ZNG1E: variants seen among roughly 807,000 people sequenced by gnomAD.
The protein encoded by ZNG1E is zinc-regulated GTPase metalloprotein activator 1E.
At chr9:65,677,682 G>T in the ZNG1E span, among the ~76,000 whole-genome samples, 2 of 152,224 alleles carry the variant, frequency 1.3e-5, no homozygotes, top group East Asian at 3.9e-4. Flanking sequence ...ACACCTTTCA[G>T]TGGCGTCCCT....
chr9:65,721,667 G>A, the ZNG1E span, among the ~76,000 whole-genome samples: 3 of 150,532 alleles, frequency 2.0e-5, no homozygotes, highest in Non-Finnish European at 2.9e-5. Context: ...AGTATAATGA[G>A]CCTTTATGTA....
chr9:65,666,144 A>G, the ZNG1E span, among the ~76,000 whole-genome samples: 4 of 149,900 alleles, frequency 2.7e-5, no homozygotes, highest in African/African-American at 9.8e-5. Flanking sequence ...ATGTGAGAAC[A>G]TGAGATTTGG....
chr9:65,678,081 C>T, the ZNG1E span, among the ~76,000 whole-genome samples: 1 of 149,358 alleles, frequency 6.7e-6, no homozygotes, highest in African/African-American at 2.5e-5. Context: ...AATGAATGAA[C>T]TATGTCTTAA....
the ZNG1E span, among the ~76,000 whole-genome samples, chr9:65,687,379 G>T: frequency 6.9e-6 from 1 of 144,886 alleles, no homozygotes; most frequent in African/African-American, 2.5e-5. Context: ...TCAAGTTACA[G>T]GTACTGCATG....
chr9:65,663,102 G>T, the ZNG1E span, among the ~76,000 whole-genome samples: 3 of 152,352 alleles, frequency 2.0e-5, no homozygotes, highest in South Asian at 2.1e-4. Context: ...GCTGTTAAAT[G>T]TTTATCAGAT....
chr9:65,697,611 C>A, the ZNG1E span, among the ~76,000 whole-genome samples: 1 of 14,580 alleles, frequency 6.9e-5, no homozygotes. Flanking sequence ...GCCTCTAAAC[C>A]TCAGTAGCCA....
the ZNG1E span, among the ~76,000 whole-genome samples, chr9:65,687,604 A>T: frequency 2.0e-5 from 3 of 151,002 alleles, no homozygotes; most frequent in African/African-American, 7.3e-5. Flanking sequence ...TGTGAGTATT[A>T]TAGTCTCTGA....
chr9:65,681,204 TAAG>T, the ZNG1E span, among the ~76,000 whole-genome samples: 1 of 152,016 alleles, frequency 6.6e-6, no homozygotes, highest in African/African-American at 2.4e-5. Flanking sequence ...GGCAGTCTCT[TAAG>T]AGGTTGAAGG....
the ZNG1E span, among the ~76,000 whole-genome samples, chr9:65,658,440 C>G: frequency 3.3e-5 from 5 of 151,548 alleles, no homozygotes; most frequent in African/African-American, 1.2e-4. Context: ...AATTAAAGGA[C>G]TAAAATAAGA....
chr9:65,661,075 T>C, the ZNG1E span, among the ~76,000 whole-genome samples: 2 of 148,466 alleles, frequency 1.3e-5, no homozygotes, highest in East Asian at 2.0e-4. Context: ...GGATTTTCTT[T>C]TGAGAGATGC....
the ZNG1E span, among the ~76,000 whole-genome samples, chr9:65,691,677 G>A: frequency 5.3e-5 from 8 of 152,208 alleles, no homozygotes; most frequent in Middle Eastern, 3.2e-3. Context: ...TATCCTCCAG[G>A]CAATATGAGG....
At chr9:65,683,939 A>G in the ZNG1E span, among the ~76,000 whole-genome samples, 2 of 152,282 alleles carry the variant, frequency 1.3e-5, no homozygotes, top group Non-Finnish European at 2.9e-5. Flanking sequence ...TTTATTAGAA[A>G]TAGCAAATAT....
At chr9:65,691,780 C>T in the ZNG1E span, among the ~76,000 whole-genome samples, 3 of 151,506 alleles carry the variant, frequency 2.0e-5, no homozygotes, top group East Asian at 5.9e-4. Context: ...AATGATATGC[C>T]TTCATTTAAA....
the ZNG1E span, among the ~76,000 whole-genome samples, chr9:65,660,109 GA>G: frequency 8.0e-6 from 1 of 125,552 alleles, no homozygotes; most frequent in Non-Finnish European, 1.6e-5. Flanking sequence ...CAAGACAGAA[GA>G]AAAGGGAATC....
chr9:65,725,185 T>TA, the ZNG1E span, among the ~76,000 whole-genome samples: 1 of 147,262 alleles, frequency 6.8e-6, no homozygotes, highest in Non-Finnish European at 1.5e-5. Context: ...GTAAGTGCAC[T>TA]ATCATGTTTG....
the ZNG1E span, among the ~76,000 whole-genome samples, chr9:65,659,371 T>A: frequency 6.6e-6 from 1 of 151,316 alleles, no homozygotes; most frequent in African/African-American, 2.4e-5. Flanking sequence ...GGCGCATGCC[T>A]GTAATCCCAG....
the ZNG1E span, among the ~76,000 whole-genome samples, chr9:65,685,298 A>G: frequency 2.6e-5 from 4 of 152,268 alleles, no homozygotes; most frequent in South Asian, 8.3e-4. Context: ...ATTTCATAAG[A>G]TAATAATGAA....
chr9:65,704,217 A>G, the ZNG1E span: 3 of 10,478 alleles, frequency 2.9e-4, no homozygotes, highest in Non-Finnish European at 2.5e-4. Flanking sequence ...TTTTGTTTTC[A>G]TTTCAGAAAT....
the ZNG1E span, among the ~76,000 whole-genome samples, chr9:65,691,207 C>T: frequency 7.9e-5 from 12 of 151,090 alleles, no homozygotes; most frequent in South Asian, 8.4e-4. Context: ...CTCAGCCTCC[C>T]GAGTAGCTGG....
Sources: gnomAD v4.1 joint callset for allele counts (sites outside exome capture counted in the v4.1 genomes callset) on GRCh38, gnomAD v4.1.1 for gene constraint, MANE v1.5 for transcripts, NCBI Gene and HGNC (gene_info 2026-07-23, HGNC 2026-07-21) for gene names.